The following CFDP1 variants were observed in gnomAD, a reference collection of about 807,000 sequenced individuals.
CFDP1 encodes the protein heterochromatin-stabilizing protein CFDP1.
Under a neutral mutation model 40.1 loss-of-function variants are expected in CFDP1, and 31 were observed. The ratio of observed to expected loss-of-function variants is 0.77; its 90% CI spans 0.58 to 1.04. The LOEUF (loss-of-function observed/expected upper bound fraction) is 1.04, where lower values mean the gene tolerates loss of function less well. Among genes scored for constraint, CFDP1 ranks in the 50% least tolerant of loss-of-function variants. The probability of loss-of-function intolerance (pLI) is 0.00; values close to 1 mark genes in which losing one functional copy is unlikely to be tolerated. For synonymous variants in CFDP1, 167 were observed against 120.0 expected (o/e 1.39, Z -2.56); for missense variants, 423 against 343.4 (o/e 1.23, Z -1.83).
intron 1 of CFDP1, among the ~76,000 whole-genome samples, chr16:75,418,836 T>C (rs1304992187): frequency 2.0e-5 from 3 of 150,724 alleles, no homozygotes; most frequent in Admixed American, 6.6e-5. Flanking sequence ...TATTTAAAAA[T>C]AACAGATCAA....
chr16:75,365,390 A>C (rs966897778), intron 5 of CFDP1, among the ~76,000 whole-genome samples: 1 of 152,142 alleles, frequency 6.6e-6, no homozygotes, highest in Non-Finnish European at 1.5e-5. Context: ...CAGAAATTGG[A>C]GTGGATTCAA....
chr16:75,295,316 G>A (rs2078174815), intron 6 of CFDP1, among the ~76,000 whole-genome samples: 1 of 152,178 alleles, frequency 6.6e-6, no homozygotes, highest in East Asian at 1.9e-4. Flanking sequence ...GAGGGCTGGA[G>A]GTTTGAGTTC....
At chr16:75,326,352 T>C (rs2078400989) in intron 5 of CFDP1, among the ~76,000 whole-genome samples, 2 of 152,228 alleles carry the variant, frequency 1.3e-5, no homozygotes, top group Admixed American at 6.5e-5. Flanking sequence ...CAACACTGAA[T>C]GGACATAATT....
At chr16:75,429,178 C>G (rs544379066) in intron 1 of CFDP1, among the ~76,000 whole-genome samples, 53 of 152,212 alleles carry the variant, frequency 3.5e-4, no homozygotes, top group Admixed American at 2.3e-3. Flanking sequence ...CGGAGACAAA[C>G]AGATCTTATA....
At position 75,433,188 on chromosome 16, in the gene CFDP1, A is replaced by G. The variant is rs933684703; in HGVS notation, c.64+101T>C. 51 of 1,153,932 alleles carry G rather than the reference A, an allele frequency of 4.4e-5. No individual in the cohort carries two copies. The African/African-American group carries it at 7.2e-4, about 16-fold the overall frequency. The allele number at this position is 1,153,932 out of a possible 1,614,324, so 71.5% of individuals were successfully genotyped here. On this transcript the variant is annotated intron_variant, in intron 1 of 6. Transcript: ENST00000283882. ...CGCTCGAGAACAGGAGCCCCCCTGG[A>G]CCACCTGGGCCACAGGGCAGACGCC...
At chr16:75,420,111 C>CAAAAAAAAAAAAA (rs10706144) in intron 1 of CFDP1, among the ~76,000 whole-genome samples, 1 of 62,632 alleles carries the variant, frequency 1.6e-5, no homozygotes, top group African/African-American at 6.3e-5. Context: ...ACCTTCATCT[C>CAAAAAAAAAAAAA]AAAAAAAAAA....
At chr16:75,309,503 T>C (rs1410739628) in intron 5 of CFDP1, among the ~76,000 whole-genome samples, 1 of 151,780 alleles carries the variant, frequency 6.6e-6, no homozygotes, top group Non-Finnish European at 1.5e-5. Flanking sequence ...GAAGTCAGAA[T>C]TCCCTTGGAG....
At chr16:75,373,584 A>C (rs1272498910) in intron 5 of CFDP1, among the ~76,000 whole-genome samples, 1 of 152,212 alleles carries the variant, frequency 6.6e-6, no homozygotes, top group African/African-American at 2.4e-5. Flanking sequence ...AGAGAGGCAC[A>C]GTTTGAATTT....
Position 75,424,391 on chromosome 16 carries a change from G to GC in CFDP1, c.64+8897dup, listed in dbSNP as rs578037703. On this transcript the variant is annotated intron_variant, in intron 1 of 6. Transcript: ENST00000283882. ...AACGGCAGGCAGACAGACACACACGGCATCTGTGAAAAACCTATAGCTAAC... is the reference window on the plus strand; with the variant it reads ...AACGGCAGGCAGACAGACACACACGGCCATCTGTGAAAAACCTATAGCTAAC... Among the ~76,000 whole-genome samples the GC allele has an allele frequency of 3.5e-3, 527 of 152,268 alleles. 2 individuals carry two copies. The highest frequency in any genetic ancestry group is 0.012 in the African/African-American group (491 of 41,552).
intron 1 of CFDP1, among the ~76,000 whole-genome samples, chr16:75,417,327 C>T (rs546071029): frequency 3.7e-4 from 56 of 152,232 alleles, no homozygotes; most frequent in African/African-American, 1.3e-3. Flanking sequence ...CTCAAGTTGT[C>T]TCACAGTAAG....
chr16:75,384,973 C>T (rs1011108942), intron 5 of CFDP1, among the ~76,000 whole-genome samples: 1 of 140,934 alleles, frequency 7.1e-6, no homozygotes, highest in Non-Finnish European at 1.5e-5. Context: ...TATATGTATA[C>T]AATATATATG....
intron 1 of CFDP1, among the ~76,000 whole-genome samples, chr16:75,416,082 C>A (rs2079202091): frequency 6.6e-6 from 1 of 152,050 alleles, no homozygotes; most frequent in Non-Finnish European, 1.5e-5. Context: ...TGAATTCTGA[C>A]CTCAGGTGAT....
In CFDP1 at chr16:75,393,688, G is replaced by A. The variant is rs1471024184; in HGVS notation, c.650+1402C>T. 4.4e-5 allele frequency among the ~76,000 whole-genome samples: 6 copies of A among 137,664 alleles called. No homozygotes were observed. The South Asian group carries it at 7.0e-4, about 16-fold the overall frequency. 90.3% of individuals were successfully genotyped at this position (137,664 alleles called of 152,430 possible). On this transcript the variant is annotated intron_variant, in intron 5 of 6. Coordinates refer to ENST00000283882, the MANE Select transcript of CFDP1 (RefSeq NM_006324.3). ...GGAGCTTGCAGTGAGCCGAGATTGCGCCACTGCAGTCCGCAGTCCGGCCTG... is the reference window on the plus strand; with the variant it reads ...GGAGCTTGCAGTGAGCCGAGATTGCACCACTGCAGTCCGCAGTCCGGCCTG...
chr16:75,346,007 G>A (rs944230647), intron 5 of CFDP1, among the ~76,000 whole-genome samples: 1 of 152,202 alleles, frequency 6.6e-6, no homozygotes, highest in African/African-American at 2.4e-5. Context: ...GAATGCATGT[G>A]AAGTGAAAAA....
intron 5 of CFDP1, among the ~76,000 whole-genome samples, chr16:75,351,675 C>T (rs1312499855): frequency 6.6e-6 from 1 of 152,098 alleles, no homozygotes; most frequent in East Asian, 1.9e-4. Context: ...AGGGAAAATA[C>T]TTATCTTTCC....
At chr16:75,426,781 G>T (rs1300284803) in intron 1 of CFDP1, among the ~76,000 whole-genome samples, 1 of 152,084 alleles carries the variant, frequency 6.6e-6, no homozygotes, top group Non-Finnish European at 1.5e-5. Context: ...GGAGCCGGGG[G>T]TGGTGACTCA....
chr16:75,311,859 C>T (rs1338712273), intron 5 of CFDP1, among the ~76,000 whole-genome samples: 2 of 151,244 alleles, frequency 1.3e-5, no homozygotes, highest in East Asian at 1.9e-4. Context: ...CCTGCCTCAG[C>T]TTCCTAAGTA....
chr16:75,410,081 A>T (rs1377915218), intron 4 of CFDP1, among the ~76,000 whole-genome samples: 1 of 150,232 alleles, frequency 6.7e-6, no homozygotes, highest in African/African-American at 2.4e-5. Flanking sequence ...AAAAAAAAAA[A>T]AAAAACCCAA....
At chr16:75,351,565 T>A (rs2078611237) in intron 5 of CFDP1, among the ~76,000 whole-genome samples, 1 of 152,168 alleles carries the variant, frequency 6.6e-6, no homozygotes, top group African/African-American at 2.4e-5. Flanking sequence ...TGCAATGGAC[T>A]GAAACAACAT....
Sources: allele counts gnomAD v4.1 joint callset (sites outside exome capture counted in the v4.1 genomes callset), GRCh38; gene constraint gnomAD v4.1.1; transcripts MANE v1.5; gene names NCBI Gene and HGNC (gene_info 2026-07-23, HGNC 2026-07-21).